Variants in GLIS3 observed in about 807,000 individuals in gnomAD.
GLIS3 encodes zinc finger protein GLIS3.
A neutral mutation model predicts 78.6 loss-of-function variants in GLIS3; 53 were observed. The ratio of observed to expected loss-of-function variants is 0.67; its 90% confidence interval spans 0.54 to 0.85. GLIS3 has a LOEUF of 0.85. GLIS3 is among the 40% of genes least tolerant of loss of function. GLIS3 has a pLI of 0.00. For synonymous variants in GLIS3, 684 were observed against 509.9 expected, an observed-to-expected ratio of 1.34 and a Z score of -4.60; for missense variants, 1,703 against 1,231.1, an observed-to-expected ratio of 1.38 and a Z score of -5.74.
intron 4 of GLIS3, among the ~76,000 whole-genome samples, chr9:4,043,836 G>A (rs1825028881): frequency 6.6e-6 from 1 of 152,200 alleles, no homozygotes; most frequent in Non-Finnish European, 1.5e-5. Context: ...AGAACAGGAT[G>A]CAGCTTCAGA....
At chr9:4,036,203 A>C (rs965219220) in intron 4 of GLIS3, among the ~76,000 whole-genome samples, 1 of 152,184 alleles carries the variant, frequency 6.6e-6, no homozygotes, top group South Asian at 2.1e-4. Flanking sequence ...TCTGGGATGC[A>C]CTGCGTTTTA....
intron 2 of GLIS3, among the ~76,000 whole-genome samples, chr9:4,239,816 G>C (rs1401672913): frequency 6.6e-6 from 1 of 152,194 alleles, no homozygotes; most frequent in Admixed American, 6.5e-5. Flanking sequence ...AACTGTGGTT[G>C]ATTTGTATCA....
intron 2 of GLIS3, among the ~76,000 whole-genome samples, chr9:4,136,900 C>G (rs1833445657): frequency 6.6e-6 from 1 of 152,176 alleles, no homozygotes; most frequent in Non-Finnish European, 1.5e-5. Flanking sequence ...ATGCAAATTC[C>G]TAAGCTCCAC....
chr9:4,240,325 A>C (rs2129685792), intron 2 of GLIS3, among the ~76,000 whole-genome samples: 1 of 152,294 alleles, frequency 6.6e-6, no homozygotes, highest in South Asian at 2.1e-4. Context: ...CGCTCTTATG[A>C]GAATCTAACA....
the GLIS3 span, among the ~76,000 whole-genome samples, chr9:4,375,685 G>A: frequency 6.6e-6 from 1 of 152,198 alleles, no homozygotes; most frequent in Non-Finnish European, 1.5e-5. Flanking sequence ...GCTCATCATT[G>A]TCTAGTGGCT....
chr9:4,336,465 G>T (rs984394203), intron 2 of GLIS3, among the ~76,000 whole-genome samples: 1 of 152,022 alleles, frequency 6.6e-6, no homozygotes, highest in Admixed American at 6.6e-5. Context: ...ACAGTTTCTG[G>T]TGCCAGACCC....
chr9:3,842,235 A>AT (rs1479276922), intron 9 of GLIS3, among the ~76,000 whole-genome samples: 1 of 152,128 alleles, frequency 6.6e-6, no homozygotes, highest in Non-Finnish European at 1.5e-5. Context: ...GCATGTTGGG[A>AT]GGCCGAGATG....
chr9:4,466,390 A>G, the GLIS3 span, among the ~76,000 whole-genome samples: 3 of 152,226 alleles, frequency 2.0e-5, no homozygotes, highest in African/African-American at 4.8e-5. Flanking sequence ...TTATAATCCT[A>G]CACACACTTT....
At chr9:4,095,971 G>C (rs148717623) in intron 4 of GLIS3, among the ~76,000 whole-genome samples, 1 of 136,978 alleles carries the variant, frequency 7.3e-6, no homozygotes, top group African/African-American at 2.8e-5. Flanking sequence ...TGGGCTCCTT[G>C]CTCTTTGTTG....
intron 2 of GLIS3, among the ~76,000 whole-genome samples, chr9:4,244,946 C>A (rs1255575437): frequency 6.6e-6 from 1 of 152,100 alleles, no homozygotes; most frequent in Non-Finnish European, 1.5e-5. Context: ...AGTTCTCATT[C>A]TACGTTAAAG....
intron 8 of GLIS3, among the ~76,000 whole-genome samples, chr9:3,859,368 C>CAG (rs1820014786): frequency 7.4e-5 from 1 of 13,498 alleles, no homozygotes; most frequent in South Asian, 4.5e-3. Context: ...CACACACACA[C>CAG]ACACACACAC....
intron 2 of GLIS3, among the ~76,000 whole-genome samples, chr9:4,176,492 A>G (rs867787200): frequency 6.6e-6 from 1 of 152,166 alleles, no homozygotes; most frequent in African/African-American, 2.4e-5. Context: ...TTAATATTTT[A>G]CCATTCAGCA....
intron 4 of GLIS3, among the ~76,000 whole-genome samples, chr9:4,308,447 C>T (rs557822738): frequency 1.9e-4 from 29 of 151,988 alleles, no homozygotes; most frequent in Admixed American, 1.0e-3. Flanking sequence ...AGGGTGGCAA[C>T]GAAGAGGAGA....
At chr9:4,030,126 G>A (rs865802515) in intron 4 of GLIS3, among the ~76,000 whole-genome samples, 1 of 152,048 alleles carries the variant, frequency 6.6e-6, no homozygotes, top group South Asian at 2.1e-4. Flanking sequence ...CTGTCTTTTG[G>A]ATATAAGCCA....
chr9:3,944,261 C>T (rs1816138846), intron 4 of GLIS3, among the ~76,000 whole-genome samples: 1 of 152,094 alleles, frequency 6.6e-6, no homozygotes, highest in Non-Finnish European at 1.5e-5. Flanking sequence ...AACATTTGAA[C>T]CATATTAAAT....
chr9:4,190,236 G>C (rs540219268), intron 2 of GLIS3, among the ~76,000 whole-genome samples: 1 of 152,286 alleles, frequency 6.6e-6, no homozygotes, highest in South Asian at 2.1e-4. Flanking sequence ...ACTACTCCGA[G>C]CTACAGGAGG....
intron 2 of GLIS3, among the ~76,000 whole-genome samples, chr9:4,144,464 G>C (rs1834056274): frequency 6.6e-6 from 1 of 152,194 alleles, no homozygotes; most frequent in Non-Finnish European, 1.5e-5. Flanking sequence ...TTTTTGTTTA[G>C]TCGGTCAAAT....
chr9:4,021,166 T>C (rs1231062050), intron 4 of GLIS3, among the ~76,000 whole-genome samples: 2 of 151,506 alleles, frequency 1.3e-5, no homozygotes, highest in Non-Finnish European at 2.9e-5. Flanking sequence ...TACATGTATA[T>C]GTATATGTAT....
At chr9:4,120,605 C>G (rs568596818) in intron 3 of GLIS3, among the ~76,000 whole-genome samples, 1 of 152,278 alleles carries the variant, frequency 6.6e-6, no homozygotes, top group Admixed American at 6.5e-5. Flanking sequence ...CCAGCAAGAT[C>G]GAGGAATTGC....
Sources: gnomAD v4.1 joint callset for allele counts (sites outside exome capture counted in the v4.1 genomes callset) on GRCh38, gnomAD v4.1.1 for gene constraint, MANE v1.5 for transcripts, NCBI Gene and HGNC (gene_info 2026-07-23, HGNC 2026-07-21) for gene names.